Variants in SLCO1B3 observed in about 807,000 individuals in gnomAD.
SLCO1B3 encodes the protein liver-specific organic anion transporter 2.
In SLCO1B3, 72 loss-of-function variants were observed where a neutral mutation model predicts 71.8. That is an observed-to-expected ratio of 1.00 (90% CI 0.83 to 1.22). SLCO1B3 has a LOEUF of 1.22. SLCO1B3 is among the 50% of genes most tolerant of loss of function. The pLI, the probability that SLCO1B3 is intolerant of heterozygous loss-of-function variation, is 0.00. For missense variants in SLCO1B3, 911 were observed against 819.7 expected, an observed-to-expected ratio of 1.11 and a Z score of -1.36; for synonymous variants, 298 against 278.4, an observed-to-expected ratio of 1.07 and a Z score of -0.70.
chr12:20,816,019 T>C (rs1283815780), intron 3 of SLCO1B3, among the ~76,000 whole-genome samples, 197 bp downstream of exon 3: 1 of 152,226 alleles, frequency 6.6e-6, no homozygotes, highest in Non-Finnish European at 1.5e-5. Context: ...ATTTCTTTGC[T>C]AGAATTTTTT....
chr12:20,895,915 A>T (rs972889673), intron 13 of SLCO1B3, among the ~76,000 whole-genome samples: 12 of 152,170 alleles, frequency 7.9e-5, no homozygotes, highest in African/African-American at 2.9e-4. Flanking sequence ...CCAAACCTCA[A>T]TTATTGACTT....
intron 1 of SLCO1B3, among the ~76,000 whole-genome samples, chr12:20,813,127 C>T (rs1027935087): frequency 7.9e-5 from 12 of 152,024 alleles, no homozygotes; most frequent in African/African-American, 2.9e-4. Flanking sequence ...TATATACACT[C>T]GCATATACAT....
chr12:20,909,395 G>C (rs1175191895), intron 15 of SLCO1B3, among the ~76,000 whole-genome samples: 41 of 146,438 alleles, frequency 2.8e-4, no homozygotes, highest in African/African-American at 9.5e-4. Context: ...GGATGGTCTT[G>C]ATCTCCTGAC....
rs1394584388 is a variant in SLCO1B3 at position 20,880,995 on chromosome 12, C to A, written c.1472C>A (p.Ser491Tyr). Residue 491 changes from serine to tyrosine, a missense_variant, in exon 12 of 16, where the codon TCC becomes TAC. By Grantham distance (144) the Ser-to-Tyr change is moderately radical. Coordinates refer to ENST00000381545, the MANE Select transcript of SLCO1B3 (RefSeq NM_019844.4). The part of the protein sequence containing the change: ...YLSPCLAGCK[S>Y]SSGIKKHTVF... ...TCACCTTGTCTAGCAGGATGCAAAT[C>A]CTCAAGTGGTATTAAAAAGCATACA... 1 of 1,610,144 alleles carries A rather than the reference C, an allele frequency of 6.2e-7. No homozygotes were observed. Among genetic ancestry groups the A allele is most frequent in the African/African-American group, 1.3e-5 (1 of 74,828 alleles).
At chr12:20,834,292 A>ATG (rs972053056) in intron 3 of SLCO1B3, among the ~76,000 whole-genome samples, 3 of 145,306 alleles carry the variant, frequency 2.1e-5, no homozygotes, top group Non-Finnish European at 3.0e-5. Context: ...GAGAATATAT[A>ATG]TATATAATTA....
intron 3 of SLCO1B3, among the ~76,000 whole-genome samples, chr12:20,827,566 C>G (rs1309894663): frequency 1.1e-5 from 1 of 87,310 alleles, no homozygotes; most frequent in Non-Finnish European, 2.3e-5. Context: ...TTTCAGACTT[C>G]CAATTTCTTT....
intron 3 of SLCO1B3, among the ~76,000 whole-genome samples, chr12:20,851,775 C>G (rs760402396): frequency 4.0e-5 from 6 of 148,758 alleles, no homozygotes; most frequent in Non-Finnish European, 7.4e-5. Context: ...GTATTTTCTT[C>G]TAAGAGTGTA....
intron 11 of SLCO1B3, 98 bp downstream of exon 11, chr12:20,879,729 C>T (rs1865654190): frequency 1.3e-6 from 1 of 785,278 alleles, no homozygotes; most frequent in African/African-American, 1.8e-5. Context: ...TGTAATTAAA[C>T]TTTATTTTAA....
chr12:20,848,202 G>A (rs959261611), intron 3 of SLCO1B3, among the ~76,000 whole-genome samples: 1 of 152,142 alleles, frequency 6.6e-6, no homozygotes, highest in East Asian at 1.9e-4. Context: ...TTACTGATGG[G>A]CATATACAGA....
intron 14 of SLCO1B3, among the ~76,000 whole-genome samples, chr12:20,899,339 T>C (rs1866081477): frequency 6.6e-6 from 1 of 152,114 alleles, no homozygotes; most frequent in African/African-American, 2.4e-5. Context: ...GCATCATTCA[T>C]CTAGGGATTG....
At chr12:20,838,206 T>A (rs1864725072) in intron 3 of SLCO1B3, among the ~76,000 whole-genome samples, 1 of 151,892 alleles carries the variant, frequency 6.6e-6, no homozygotes, top group Admixed American at 6.6e-5. Context: ...TTGTATACCT[T>A]TTTTTAACCT....
Position 20,855,136 on chromosome 12 carries a change from C to T in SLCO1B3, c.193C>T (p.Leu65Phe). 2 of 1,611,260 alleles carry T rather than the reference C, an allele frequency of 1.2e-6. No individual in the cohort carries two copies. Among genetic ancestry groups the T allele is most frequent in the Non-Finnish European group, 1.7e-6 (2 of 1,178,908 alleles). Residue 65 changes from leucine to phenylalanine, a missense_variant, in exon 4 of 16, where the codon CTT (leucine) becomes TTT (phenylalanine). Coordinates refer to ENST00000381545, the MANE Select transcript of SLCO1B3 (RefSeq NM_019844.4). ...IERRFDISSSLAGLIDGSFEI... is the reference protein window; with the variant it reads ...IERRFDISSSFAGLIDGSFEI... Reference sequence around the variant, plus strand: ...AAGGAGATTTGACATATCCTCTTCTCTTGCTGGTTTAATTGATGGAAGCTT... The same window carrying T: ...AAGGAGATTTGACATATCCTCTTCTTTTGCTGGTTTAATTGATGGAAGCTT...
At chr12:20,823,072 G>GA (rs1485747780) in intron 3 of SLCO1B3, among the ~76,000 whole-genome samples, 1 of 151,836 alleles carries the variant, frequency 6.6e-6, no homozygotes, top group Non-Finnish European at 1.5e-5. Flanking sequence ...GTCCTGCAAA[G>GA]AAAAAAATAG....
chr12:20,839,205 A>G (rs1485822823), intron 3 of SLCO1B3, among the ~76,000 whole-genome samples: 2 of 151,260 alleles, frequency 1.3e-5, no homozygotes, highest in African/African-American at 4.9e-5. Context: ...TCTTAGATCA[A>G]TTAAGAATTA....
At chr12:20,813,227 T>C (rs143610819) in intron 1 of SLCO1B3, among the ~76,000 whole-genome samples, 1,833 of 152,344 alleles carry the variant, frequency 0.012, 18 homozygotes, top group Middle Eastern at 0.041. Context: ...TTTATGCATT[T>C]ATAATATAGA....
intron 13 of SLCO1B3, among the ~76,000 whole-genome samples, chr12:20,888,527 T>A (rs1243908274): frequency 6.6e-6 from 1 of 152,090 alleles, no homozygotes; most frequent in Non-Finnish European, 1.5e-5. Context: ...CTTATTTTTG[T>A]ACATTGGTTT....
intron 3 of SLCO1B3, among the ~76,000 whole-genome samples, chr12:20,843,622 T>C (rs1018643318): frequency 1.3e-5 from 2 of 151,768 alleles, no homozygotes; most frequent in Non-Finnish European, 2.9e-5. Context: ...CTACTAAAAA[T>C]ACAAAAAAAT....
chr12:20,906,726 T>C (rs1866253941), intron 15 of SLCO1B3, among the ~76,000 whole-genome samples: 2 of 152,324 alleles, frequency 1.3e-5, no homozygotes, highest in African/African-American at 2.4e-5. Flanking sequence ...GCTCTGTTAT[T>C]ATCAATTGTG....
intron 14 of SLCO1B3, among the ~76,000 whole-genome samples, 164 bp downstream of exon 14, chr12:20,898,664 A>G (rs187824400): frequency 6.6e-6 from 1 of 152,312 alleles, no homozygotes; most frequent in Non-Finnish European, 1.5e-5. Context: ...GGGAAAATTG[A>G]GTGGTCTAAA....
Sources: allele counts gnomAD v4.1 joint callset (sites outside exome capture counted in the v4.1 genomes callset), GRCh38; gene constraint gnomAD v4.1.1; transcripts MANE v1.5; gene names NCBI Gene and HGNC (gene_info 2026-07-23, HGNC 2026-07-21).